The following SMYD3 variants were observed in gnomAD, a reference collection of about 807,000 sequenced individuals.
The protein encoded by SMYD3 is histone-lysine N-methyltransferase SMYD3.
SMYD3 carries 36 observed loss-of-function variants against 57.7 expected under a neutral mutation model. The ratio of observed to expected loss-of-function variants is 0.62; its 90% CI spans 0.48 to 0.82. SMYD3 has a LOEUF of 0.82. Ranked by LOEUF, SMYD3 falls within the 40% of genes least tolerant of loss-of-function variation. The pLI is 0.00. For synonymous variants in SMYD3, 211 were observed against 195.0 expected, an observed-to-expected ratio of 1.08 and a Z score of -0.68; for missense variants, 515 against 538.8, an observed-to-expected ratio of 0.96 and a Z score of 0.44.
chr1:246,185,407 T>A (rs1272809296), intron 5 of SMYD3, among the ~76,000 whole-genome samples: 2 of 150,392 alleles, frequency 1.3e-5, no homozygotes, highest in African/African-American at 4.9e-5. Context: ...CGGCTAATTT[T>A]TGTACTTTTA....
chr1:245,954,137 C>T (rs559677060), intron 5 of SMYD3, among the ~76,000 whole-genome samples: 28 of 152,300 alleles, frequency 1.8e-4, no homozygotes, highest in Non-Finnish European at 3.7e-4. Flanking sequence ...AAGGGGTCAA[C>T]ACTGTAATTA....
intron 1 of SMYD3, among the ~76,000 whole-genome samples, chr1:246,465,554 C>T (rs144449043): frequency 9.9e-5 from 15 of 152,050 alleles, no homozygotes; most frequent in East Asian, 5.8e-4. Flanking sequence ...CCTATCGGGG[C>T]GGGGCACGGT....
At chr1:246,427,628 C>A (rs1254106070) in intron 1 of SMYD3, among the ~76,000 whole-genome samples, 1 of 152,168 alleles carries the variant, frequency 6.6e-6, no homozygotes, top group Non-Finnish European at 1.5e-5. Context: ...CTTTGGGAGG[C>A]CAAGGTGGGA....
At chr1:245,833,504 T>TA (rs940339843) in intron 10 of SMYD3, among the ~76,000 whole-genome samples, 2 of 152,128 alleles carry the variant, frequency 1.3e-5, no homozygotes, top group Non-Finnish European at 2.9e-5. Context: ...GGTATTTTTG[T>TA]AAAAAATGCC....
intron 5 of SMYD3, among the ~76,000 whole-genome samples, chr1:246,311,387 A>G (rs1485770358): frequency 6.6e-6 from 1 of 152,242 alleles, no homozygotes; most frequent in Non-Finnish European, 1.5e-5. Context: ...AAGAAAAGCT[A>G]GAAGCCTGCC....
At chr1:246,334,349 T>C (rs2065507874) in intron 3 of SMYD3, among the ~76,000 whole-genome samples, 1 of 152,172 alleles carries the variant, frequency 6.6e-6, no homozygotes, top group South Asian at 2.1e-4. Context: ...GAAAATGTGA[T>C]ACATAAACAC....
intron 5 of SMYD3, among the ~76,000 whole-genome samples, chr1:246,319,632 T>C (rs2065215859): frequency 6.6e-6 from 1 of 152,184 alleles, no homozygotes; most frequent in Non-Finnish European, 1.5e-5. Context: ...TGGTCCTACA[T>C]GAACTTGAAA....
chr1:246,433,226 C>T (rs978641839), intron 1 of SMYD3, among the ~76,000 whole-genome samples: 1 of 152,162 alleles, frequency 6.6e-6, no homozygotes, highest in African/African-American at 2.4e-5. Context: ...AATAGACACA[C>T]ACACCAATAT....
At chr1:245,999,912 T>C (rs1440222771) in intron 5 of SMYD3, among the ~76,000 whole-genome samples, 1 of 152,222 alleles carries the variant, frequency 6.6e-6, no homozygotes, top group Non-Finnish European at 1.5e-5. Context: ...GAGTATGTAA[T>C]GAGTACCTGC....
chr1:245,771,069 TATAC>T (rs1479725452), intron 10 of SMYD3, among the ~76,000 whole-genome samples: 2 of 151,842 alleles, frequency 1.3e-5, no homozygotes, highest in South Asian at 2.1e-4. Context: ...CATACACACA[TATAC>T]ATACATACAT....
intron 5 of SMYD3, among the ~76,000 whole-genome samples, chr1:246,036,605 G>C (rs1304043955): frequency 6.6e-6 from 1 of 150,438 alleles, no homozygotes; most frequent in African/African-American, 2.4e-5. Flanking sequence ...CCAGGCTGGA[G>C]TGCAGTGGTG....
intron 5 of SMYD3, among the ~76,000 whole-genome samples, chr1:246,225,658 T>C (rs984627998): frequency 1.3e-5 from 2 of 152,176 alleles, no homozygotes; most frequent in African/African-American, 4.8e-5. Flanking sequence ...TCTCCTTCTT[T>C]GTTTTCCTCT....
intron 10 of SMYD3, among the ~76,000 whole-genome samples, chr1:245,798,020 T>G (rs1027537372): frequency 6.6e-6 from 1 of 152,152 alleles, no homozygotes; most frequent in African/African-American, 2.4e-5. Context: ...GTTCATTTGC[T>G]CATTCGGCAT....
At chr1:246,090,770 G>A (rs1033773946) in intron 5 of SMYD3, among the ~76,000 whole-genome samples, 18 of 151,964 alleles carry the variant, frequency 1.2e-4, no homozygotes, top group Admixed American at 2.0e-4. Context: ...CCCGCCCTCC[G>A]CCTCCCAAAG....
At chr1:245,894,385 C>T (rs1043566846) in intron 8 of SMYD3, among the ~76,000 whole-genome samples, 16 of 152,084 alleles carry the variant, frequency 1.1e-4, no homozygotes, top group African/African-American at 3.4e-4. Flanking sequence ...GGAATAAAAC[C>T]TGGCCACCCC....
intron 10 of SMYD3, among the ~76,000 whole-genome samples, chr1:245,818,004 C>A (rs1452253216): frequency 6.6e-6 from 1 of 152,136 alleles, no homozygotes; most frequent in Admixed American, 6.5e-5. Context: ...CTTCCCCAAT[C>A]TAGCAAGGCA....
At chr1:246,145,742 G>T (rs146340938) in intron 5 of SMYD3, among the ~76,000 whole-genome samples, 1 of 152,162 alleles carries the variant, frequency 6.6e-6, no homozygotes, top group Non-Finnish European at 1.5e-5. Flanking sequence ...CAGACATCAC[G>T]AAGGTTAAAT....
intron 5 of SMYD3, among the ~76,000 whole-genome samples, chr1:245,955,652 C>T (rs981158737): frequency 2.0e-5 from 3 of 152,006 alleles, no homozygotes; most frequent in Non-Finnish European, 4.4e-5. Flanking sequence ...ATCTACTGTG[C>T]CTAAGTTATA....
chr1:245,876,779 G>A (rs190685340), intron 8 of SMYD3, among the ~76,000 whole-genome samples: 5 of 152,290 alleles, frequency 3.3e-5, no homozygotes, highest in East Asian at 1.9e-4. Context: ...TGGTTGAAAC[G>A]GCCAAACAAA....
Sources: allele counts gnomAD v4.1 joint callset (sites outside exome capture counted in the v4.1 genomes callset), GRCh38; gene constraint gnomAD v4.1.1; transcripts MANE v1.5; gene names NCBI Gene and HGNC (gene_info 2026-07-23, HGNC 2026-07-21).